The following PHF21A variants were observed in gnomAD, a reference collection of about 807,000 sequenced individuals.
PHF21A encodes PHD finger protein 21A.
In PHF21A, 11 loss-of-function variants were observed where a neutral mutation model predicts 82.5. That is an observed-to-expected ratio of 0.13 (90% CI 0.08 to 0.22). PHF21A has a LOEUF of 0.22. PHF21A is among the 10% of genes least tolerant of loss of function. The probability of loss-of-function intolerance (pLI) is 1.00; values close to 1 mark genes in which losing one functional copy is unlikely to be tolerated. For synonymous variants in PHF21A, 297 were observed against 302.8 expected, an observed-to-expected ratio of 0.98 and a Z score of 0.20; for missense variants, 579 against 837.8, an observed-to-expected ratio of 0.69 and a Z score of 3.81.
At chr11:45,981,866 T>C (rs1357966756) in intron 6 of PHF21A, among the ~76,000 whole-genome samples, 3 of 151,738 alleles carry the variant, frequency 2.0e-5, no homozygotes, top group African/African-American at 7.3e-5. Flanking sequence ...TTCTAAAATC[T>C]TTAAGTAAAA....
intron 7 of PHF21A, among the ~76,000 whole-genome samples, chr11:45,977,614 A>C (rs963327352): frequency 6.6e-6 from 1 of 152,198 alleles, no homozygotes; most frequent in African/African-American, 2.4e-5. Flanking sequence ...TTTAAAACTT[A>C]AACAAAAATT....
chr11:45,943,767 A>C (rs1477410084), intron 15 of PHF21A, among the ~76,000 whole-genome samples: 2 of 152,214 alleles, frequency 1.3e-5, no homozygotes, highest in African/African-American at 4.8e-5. Flanking sequence ...AATCTGATAG[A>C]AACTATCTTA....
At chr11:45,939,888 G>A (rs2090014419) in intron 15 of PHF21A, among the ~76,000 whole-genome samples, 1 of 151,704 alleles carries the variant, frequency 6.6e-6, no homozygotes, top group South Asian at 2.1e-4. Context: ...GGGAAGGGAA[G>A]ACTGAAGGGA....
At chr11:46,015,984 A>G (rs1450610821) in intron 6 of PHF21A, among the ~76,000 whole-genome samples, 1 of 152,192 alleles carries the variant, frequency 6.6e-6, no homozygotes, top group Non-Finnish European at 1.5e-5. Flanking sequence ...AAACACATAA[A>G]CTGATAACAC....
At chr11:46,112,329 G>A (rs918140757) in intron 1 of PHF21A, among the ~76,000 whole-genome samples, 3 of 152,168 alleles carry the variant, frequency 2.0e-5, no homozygotes, top group African/African-American at 4.8e-5. Context: ...AATGTGAAGC[G>A]TGCTATTTTT....
intron 6 of PHF21A, among the ~76,000 whole-genome samples, chr11:46,056,806 A>C (rs936819728): frequency 1.5e-4 from 23 of 152,122 alleles, no homozygotes; most frequent in African/African-American, 5.6e-4. Flanking sequence ...GTGCTTCCTG[A>C]AAACCCTGAC....
At position 46,079,143 on chromosome 11, in the gene PHF21A, C is replaced by T; in HGVS notation, c.78G>A (p.Gln26=). 1 of 1,587,832 alleles carries T rather than the reference C, an allele frequency of 6.3e-7. No homozygotes were observed. Among genetic ancestry groups the T allele is most frequent in the Non-Finnish European group, 8.6e-7 (1 of 1,161,974 alleles). Residue 26 remains glutamine (Q), a synonymous_variant, in exon 5 of 19, where the codon CAG becomes CAA. Coordinates refer to ENST00000676320, the MANE Select transcript of PHF21A (RefSeq NM_001352027.3). The part of the protein sequence containing the change: ...VHQKLVAQMK[Q]DPQNADLKKQ... ...ACAATAGTAGTTTTACCTGTGGATC[C>T]TGCTTCATTTGAGCAACCAGTTTCT...
intron 6 of PHF21A, among the ~76,000 whole-genome samples, chr11:46,043,336 C>T (rs2096190595): frequency 6.6e-6 from 1 of 152,114 alleles, no homozygotes; most frequent in African/African-American, 2.4e-5. Context: ...TTCAGAAACA[C>T]CATGCATCTG....
chr11:46,081,419 T>G (rs1481496575), intron 4 of PHF21A, among the ~76,000 whole-genome samples: 4 of 152,226 alleles, frequency 2.6e-5, no homozygotes, highest in African/African-American at 9.6e-5. Context: ...CCTTTTTGAT[T>G]TGGTTACCAG....
In PHF21A at chr11:45,932,322, A is replaced by T. The variant is rs902543012; in HGVS notation, c.*1646T>A. 10 of 152,278 alleles carry T rather than the reference A, an allele frequency of 6.6e-5. No homozygotes were observed. The highest frequency in any genetic ancestry group is 2.4e-4 in the African/African-American group (10 of 41,468). 9.4% of individuals were successfully genotyped at this position (152,278 alleles called of 1,614,324 possible). A position where few individuals can be genotyped will look rare whatever the true frequency, so the allele number is the denominator to read the frequency against. Reference sequence around the variant, plus strand: ...AGGCACCAGCCTTTTGCTCTAGCAGAATCTGAGAAGACCACGGGTAGGGCC... The same window carrying T: ...AGGCACCAGCCTTTTGCTCTAGCAGTATCTGAGAAGACCACGGGTAGGGCC... On this transcript the variant is annotated 3_prime_UTR_variant, in exon 19 of 19. Coordinates refer to ENST00000676320, the MANE Select transcript of PHF21A (RefSeq NM_001352027.3). The surrounding 1 kb of genome is among the most constrained non-coding windows in gnomAD (Gnocchi z 4.3).
At chr11:46,034,304 A>G (rs1398644720) in intron 6 of PHF21A, among the ~76,000 whole-genome samples, 1 of 151,398 alleles carries the variant, frequency 6.6e-6, no homozygotes, top group Non-Finnish European at 1.5e-5. Context: ...AAGACTAATA[A>G]CCCTTTGTCA....
intron 7 of PHF21A, among the ~76,000 whole-genome samples, chr11:45,977,095 G>A (rs79942790): frequency 1.4e-3 from 214 of 151,964 alleles, no homozygotes; most frequent in African/African-American, 4.8e-3. Context: ...CAGACTACCA[G>A]GGAAAGGAAA....
chr11:46,108,320 A>AT (rs933274551), intron 1 of PHF21A, among the ~76,000 whole-genome samples: 62 of 151,286 alleles, frequency 4.1e-4, no homozygotes, highest in African/African-American at 1.4e-3. Flanking sequence ...TTTTAAACTG[A>AT]TTTTTTTTTA....
intron 15 of PHF21A, among the ~76,000 whole-genome samples, chr11:45,939,012 T>C (rs2089788465): frequency 6.6e-6 from 1 of 152,114 alleles, no homozygotes. Flanking sequence ...TTTTTGTATT[T>C]TTAGTAGAGA....
At chr11:46,112,061 TCAA>T (rs1200581003) in intron 1 of PHF21A, among the ~76,000 whole-genome samples, 1 of 152,212 alleles carries the variant, frequency 6.6e-6, no homozygotes, top group Non-Finnish European at 1.5e-5. Flanking sequence ...CTTTCTGAAG[TCAA>T]CCAAAGGCTT....
intron 10 of PHF21A, among the ~76,000 whole-genome samples, chr11:45,961,527 C>G (rs1283608635): frequency 6.6e-6 from 1 of 152,156 alleles, no homozygotes; most frequent in Non-Finnish European, 1.5e-5. Context: ...CTTGTAAGTA[C>G]TTCTCTTTAG....
chr11:46,112,723 C>T (rs1202579590), intron 1 of PHF21A, among the ~76,000 whole-genome samples: 1 of 152,022 alleles, frequency 6.6e-6, no homozygotes, highest in African/African-American at 2.4e-5. Context: ...AGAAAACCTT[C>T]CATCCAACCT....
At chr11:46,072,219 A>C (rs1045448852) in intron 6 of PHF21A, among the ~76,000 whole-genome samples, 5 of 152,220 alleles carry the variant, frequency 3.3e-5, no homozygotes, top group African/African-American at 1.2e-4. Flanking sequence ...CTTGAATTTT[A>C]TCTGGCCATG....
intron 6 of PHF21A, among the ~76,000 whole-genome samples, chr11:46,061,446 T>C (rs1013445656): frequency 5.3e-5 from 8 of 152,214 alleles, no homozygotes; most frequent in Non-Finnish European, 1.5e-5. Flanking sequence ...GCTTGTATTA[T>C]TATATAAATA....
Sources: gnomAD v4.1 joint callset for allele counts (sites outside exome capture counted in the v4.1 genomes callset) on GRCh38, gnomAD v4.1.1 for gene constraint, Gnocchi (gnomAD v3.1) non-coding constraint, MANE v1.5 for transcripts, NCBI Gene and HGNC (gene_info 2026-07-23, HGNC 2026-07-21) for gene names.